CBX1: variants seen among roughly 807,000 people sequenced by gnomAD.
CBX1 encodes chromobox 1.
A neutral mutation model predicts 25.1 loss-of-function variants in CBX1; 10 were observed. The ratio of observed to expected loss-of-function variants is 0.40; its 90% CI spans 0.25 to 0.68. The LOEUF is 0.68. Among genes scored for constraint, CBX1 ranks in the 30% least tolerant of loss-of-function variants. The pLI is 0.40. For missense variants in CBX1, 106 were observed against 218.5 expected (o/e 0.49, Z 3.25); for synonymous variants, 63 against 79.4 (o/e 0.79, Z 1.10).
chr17:48,076,917 G>T lies in CBX1; in HGVS notation c.88C>A (p.Arg30=). ...TACTCCACTTTGCCCTTTACCACTC[G>T]ACGGTCGAGAACTTTTTCCACCACA... is the stretch of plus-strand genomic sequence containing the variant. ...EYVVEKVLDR[R]VVKGKVEYLL... is the part of the protein sequence containing the mutation. The change falls in exon 2 of 5, where the codon CGA becomes AGA. Residue 30 remains arginine (R), a synonymous_variant. Coordinates refer to ENST00000225603, the MANE Select transcript of CBX1 (RefSeq NM_001127228.2). 1 of 1,613,330 alleles carries T rather than the reference G, an allele frequency of 6.2e-7. No homozygotes were observed. The highest frequency in any genetic ancestry group is 8.5e-7 in the Non-Finnish European group (1 of 1,179,736).
chr17:48,100,625 C>T (rs766986728), intron 1 of CBX1: 1 of 663,236 alleles, frequency 1.5e-6, no homozygotes, highest in Non-Finnish European at 1.9e-6. Context: ...GAAATATTCT[C>T]GGGATCTCCG....
intron 4 of CBX1, among the ~76,000 whole-genome samples, chr17:48,074,199 AAAAGGAC>A (rs1255424689): frequency 2.6e-5 from 4 of 152,130 alleles, no homozygotes; most frequent in Non-Finnish European, 5.9e-5. Context: ...CTGGACTGAC[AAAAGGAC>A]AAAGCTCCAT....
intron 1 of CBX1, among the ~76,000 whole-genome samples, chr17:48,082,589 T>C (rs570857562): frequency 3.4e-5 from 5 of 147,248 alleles, no homozygotes; most frequent in Non-Finnish European, 5.9e-5. Context: ...CAGGCTGGAG[T>C]GCAGTGACGC....
intron 1 of CBX1, among the ~76,000 whole-genome samples, chr17:48,077,658 A>G (rs1195313843): frequency 2.0e-5 from 3 of 151,842 alleles, no homozygotes; most frequent in Admixed American, 6.6e-5. Flanking sequence ...GTAATTTTAA[A>G]AGGCTCCCAA....
intron 1 of CBX1, chr17:48,088,437 G>A (rs967733805): frequency 2.0e-5 from 3 of 151,788 alleles, no homozygotes; most frequent in South Asian, 2.1e-4. Context: ...TGACCAACAT[G>A]GTGAAACCCC....
chr17:48,075,482 C>T (rs1320765638), intron 3 of CBX1, among the ~76,000 whole-genome samples: 1 of 152,132 alleles, frequency 6.6e-6, no homozygotes, highest in African/African-American at 2.4e-5. Flanking sequence ...TGTGAGCCAC[C>T]GTGCCCGGCC....
chr17:48,074,192 G>T (rs1040978340), intron 4 of CBX1, among the ~76,000 whole-genome samples: 1 of 152,126 alleles, frequency 6.6e-6, no homozygotes, highest in Non-Finnish European at 1.5e-5. Flanking sequence ...GTAAGTTCTG[G>T]ACTGACAAAA....
At chr17:48,092,555 G>C (rs1015481928) in intron 1 of CBX1, among the ~76,000 whole-genome samples, 10 of 151,338 alleles carry the variant, frequency 6.6e-5, no homozygotes, top group African/African-American at 9.7e-5. Flanking sequence ...CCGGGTTCAA[G>C]GGATTCTCCT....
At chr17:48,077,223 T>C (rs2037682943) in intron 1 of CBX1, among the ~76,000 whole-genome samples, 182 bp from the exon 2 acceptor site, 1 of 151,654 alleles carries the variant, frequency 6.6e-6, no homozygotes, top group Non-Finnish European at 1.5e-5. Flanking sequence ...GCCAGAAAGC[T>C]CATAAAACAG....
Position 48,084,070 on chromosome 17 carries a change from G to A in CBX1, c.-37-7029C>T, listed in dbSNP as rs191421386. Among the ~76,000 whole-genome samples the A allele has an allele frequency of 5.4e-4, 81 of 150,008 alleles. 5 individuals carry two copies. Among genetic ancestry groups the A allele is most frequent in the Admixed American group, 1.4e-3 (21 of 15,162 alleles). ...CCTGATCATAACTCACTGCAGCCTC[G>A]ACCTCCTGGGCTCAAGCCATCCTCC... On this transcript the variant is annotated intron_variant, in intron 1 of 4. Transcript: ENST00000225603.
intron 1 of CBX1, among the ~76,000 whole-genome samples, chr17:48,087,188 CAAAA>C (rs71141963): frequency 7.0e-6 from 1 of 143,872 alleles, no homozygotes; most frequent in South Asian, 2.2e-4. Context: ...GACGCCATCT[CAAAA>C]AAAAAAAAAG....
intron 1 of CBX1, among the ~76,000 whole-genome samples, chr17:48,092,577 CTGAG>C (rs754761026): frequency 6.6e-6 from 1 of 151,516 alleles, no homozygotes; most frequent in African/African-American, 2.4e-5. Flanking sequence ...CCTCAGCCTC[CTGAG>C]TAACTGGGAT....
At chr17:48,085,245 G>A (rs925621443) in intron 1 of CBX1, among the ~76,000 whole-genome samples, 7 of 152,168 alleles carry the variant, frequency 4.6e-5, no homozygotes, top group Non-Finnish European at 8.8e-5. Context: ...ACCATCCTGT[G>A]AGATAAGCCA....
chr17:48,085,701 A>C (rs1284077377), intron 1 of CBX1, among the ~76,000 whole-genome samples: 2 of 152,206 alleles, frequency 1.3e-5, no homozygotes, highest in Non-Finnish European at 2.9e-5. Context: ...CAAGTGCTAC[A>C]TAGTGTAGAA....
chr17:48,094,114 C>CAAAAAAAAA (rs11459504), intron 1 of CBX1, among the ~76,000 whole-genome samples: 2 of 50,832 alleles, frequency 3.9e-5, no homozygotes, highest in Non-Finnish European at 6.7e-5. Flanking sequence ...AACTCTGTCT[C>CAAAAAAAAA]AAAAAAAAAA....
chr17:48,079,497 C>CT (rs994634615), intron 1 of CBX1, among the ~76,000 whole-genome samples: 1 of 152,100 alleles, frequency 6.6e-6, no homozygotes, highest in Non-Finnish European at 1.5e-5. Context: ...TATTTTACAA[C>CT]TTTTTTTCTT....
intron 1 of CBX1, chr17:48,100,774 T>C: frequency 2.0e-6 from 2 of 985,396 alleles, no homozygotes; most frequent in African/African-American, 1.7e-5. Context: ...CCCTGGGCCC[T>C]CTTCCAATTC....
Position 48,076,136 on chromosome 17 carries a change from G to C in CBX1, c.183C>G (p.Pro61=). The change falls in exon 3 of 5, where the codon CCC becomes CCG. Residue 61 remains proline (P), a synonymous_variant. Coordinates refer to ENST00000225603, the MANE Select transcript of CBX1 (RefSeq NM_001127228.2). ...ACTGCAGAAACTCAGCAATGAGGTCGGGGCAATCCAGGTTCTCTTCTGGCT... is the reference window on the plus strand; with the variant it reads ...ACTGCAGAAACTCAGCAATGAGGTCCGGGCAATCCAGGTTCTCTTCTGGCT... ...TWEPEENLDC[P]DLIAEFLQSQ... 1 of 1,604,904 alleles carries C rather than the reference G, an allele frequency of 6.2e-7. No individual in the cohort carries two copies. Among genetic ancestry groups the C allele is most frequent in the Non-Finnish European group, 8.5e-7 (1 of 1,173,094 alleles).
rs1042208101 is a variant in CBX1 at position 48,079,593 on chromosome 17, A to C, written c.-37-2552T>G. ...ATTGCAGCTTTGACCTCCTGGGCTC[A>C]AGTGATCCCGCTGCCTCAGTCTCCT... On this transcript the variant is annotated intron_variant, in intron 1 of 4. Transcript: ENST00000225603. Among the ~76,000 whole-genome samples the C allele has an allele frequency of 2.6e-5, 4 of 151,904 alleles. No homozygotes were observed. In the East Asian group the frequency reaches 7.7e-4, roughly 29 times the overall value.
Sources: allele counts gnomAD v4.1 joint callset (sites outside exome capture counted in the v4.1 genomes callset), GRCh38; gene constraint gnomAD v4.1.1; transcripts MANE v1.5; gene names NCBI Gene and HGNC (gene_info 2026-07-23, HGNC 2026-07-21).